CHSY3: variants seen among roughly 807,000 people sequenced by gnomAD.
The protein encoded by CHSY3 is chondroitin sulfate synthase 3.
In CHSY3, 35 loss-of-function variants were observed where a neutral mutation model predicts 67.2. That is an observed-to-expected ratio of 0.52 (90% CI 0.40 to 0.69). The LOEUF is 0.69. Among genes scored for constraint, CHSY3 ranks in the 30% least tolerant of loss-of-function variants. The pLI, the probability that CHSY3 is intolerant of heterozygous loss-of-function variation, is 0.00. For missense variants in CHSY3, 1,069 were observed against 1,138.5 expected (o/e 0.94, Z 0.88); for synonymous variants, 474 against 434.7 (o/e 1.09, Z -1.12).
intron 2 of CHSY3, among the ~76,000 whole-genome samples, chr5:130,069,046 G>A (rs1765975323): frequency 6.6e-6 from 1 of 151,946 alleles, no homozygotes; most frequent in East Asian, 1.9e-4. Flanking sequence ...TTTTCTAATA[G>A]GTTACCCAGG....
chr5:130,061,623 T>C (rs1765715667), intron 2 of CHSY3, among the ~76,000 whole-genome samples: 1 of 151,924 alleles, frequency 6.6e-6, no homozygotes, highest in Non-Finnish European at 1.5e-5. Flanking sequence ...AGAAAACCTG[T>C]AGAATAGGAG....
At chr5:130,032,734 T>C (rs1764738241) in intron 2 of CHSY3, among the ~76,000 whole-genome samples, 1 of 152,088 alleles carries the variant, frequency 6.6e-6, no homozygotes, top group African/African-American at 2.4e-5. Context: ...GAGAGAGGTG[T>C]ATGCTTTGGG....
At chr5:130,100,837 T>C (rs1317569019) in intron 2 of CHSY3, among the ~76,000 whole-genome samples, 1 of 152,230 alleles carries the variant, frequency 6.6e-6, no homozygotes, top group African/African-American at 2.4e-5. Flanking sequence ...AATTGCCATT[T>C]CAACCCTCTT....
intron 2 of CHSY3, among the ~76,000 whole-genome samples, chr5:130,010,787 G>A (rs1243085468): frequency 6.6e-6 from 1 of 151,918 alleles, no homozygotes; most frequent in Admixed American, 6.6e-5. Context: ...AGAAATGACA[G>A]GGGACATTAC....
rs181351126 is a variant in CHSY3, at chr5:130,082,451, C to T, written c.1087-101778C>T. Among the ~76,000 whole-genome samples the T allele has an allele frequency of 7.2e-5, 11 of 152,112 alleles. No homozygotes were observed. In the East Asian group the frequency reaches 1.6e-3, roughly 21 times the overall value. On this transcript the variant is annotated intron_variant, in intron 2 of 2. Transcript: ENST00000305031. Reference sequence around the variant, plus strand: ...ATCCAAATCACAGTGTAGTTTGTTTCAAATCATGTGTTTGATCCAATAAAA... The same window carrying T: ...ATCCAAATCACAGTGTAGTTTGTTTTAAATCATGTGTTTGATCCAATAAAA...
intron 2 of CHSY3, among the ~76,000 whole-genome samples, chr5:130,077,725 G>A (rs764687754): frequency 6.6e-6 from 1 of 151,834 alleles, no homozygotes; most frequent in Non-Finnish European, 1.5e-5. Flanking sequence ...ACTGACTAGC[G>A]ATCCTGTATC....
At chr5:129,956,627 A>G (rs1043954969) in intron 2 of CHSY3, among the ~76,000 whole-genome samples, 2 of 151,716 alleles carry the variant, frequency 1.3e-5, no homozygotes, top group African/African-American at 4.8e-5. Flanking sequence ...GAAATCTTGA[A>G]TTGATTTTTG....
intron 2 of CHSY3, among the ~76,000 whole-genome samples, chr5:129,931,822 A>T (rs906277996): frequency 1.3e-5 from 2 of 152,044 alleles, no homozygotes; most frequent in African/African-American, 4.8e-5. Context: ...CATGGATGAA[A>T]GTCCTCCCCA....
intron 2 of CHSY3, among the ~76,000 whole-genome samples, chr5:130,105,690 C>T (rs1399333153): frequency 6.6e-6 from 1 of 151,674 alleles, no homozygotes; most frequent in African/African-American, 2.4e-5. Flanking sequence ...TGTCAGAGTT[C>T]ACTGAAGTAG....
chr5:130,117,776 C>T (rs894032571), intron 2 of CHSY3, among the ~76,000 whole-genome samples: 2 of 152,168 alleles, frequency 1.3e-5, no homozygotes, highest in African/African-American at 4.8e-5. Flanking sequence ...AATATTGATG[C>T]TTCCAGATCA....
chr5:129,940,666 T>TGTGTGTGTGTGA (rs1761668782), intron 2 of CHSY3, among the ~76,000 whole-genome samples: 1 of 151,816 alleles, frequency 6.6e-6, no homozygotes, highest in Non-Finnish European at 1.5e-5. Flanking sequence ...TCTTTATGCA[T>TGTGTGTGTGTGA]GTGTGTGTGT....
At chr5:130,157,806 T>G (rs901035854) in intron 2 of CHSY3, among the ~76,000 whole-genome samples, 1 of 152,148 alleles carries the variant, frequency 6.6e-6, no homozygotes, top group Non-Finnish European at 1.5e-5. Flanking sequence ...TGGTTATTTC[T>G]TGACTATATG....
At chr5:130,122,151 C>T (rs1271196394) in intron 2 of CHSY3, among the ~76,000 whole-genome samples, 1 of 152,122 alleles carries the variant, frequency 6.6e-6, no homozygotes, top group Non-Finnish European at 1.5e-5. Flanking sequence ...GATATAATAG[C>T]TCAACAAATA....
intron 2 of CHSY3, among the ~76,000 whole-genome samples, chr5:129,983,589 G>T (rs1019827648): frequency 6.6e-6 from 1 of 152,000 alleles, no homozygotes; most frequent in Non-Finnish European, 1.5e-5. Flanking sequence ...GGCCATGAAT[G>T]ATTTAGTTTA....
chr5:130,143,780 A>ATGTGTG (rs1181042128), intron 2 of CHSY3, among the ~76,000 whole-genome samples: 2 of 60,406 alleles, frequency 3.3e-5, no homozygotes, highest in African/African-American at 1.9e-4. Flanking sequence ...ATATATATAT[A>ATGTGTG]TGTGTATATA....
chr5:130,002,851 G>A (rs1366966585), intron 2 of CHSY3, among the ~76,000 whole-genome samples: 2 of 152,038 alleles, frequency 1.3e-5, no homozygotes, highest in South Asian at 2.1e-4. Flanking sequence ...GCTGGAGGGG[G>A]TGGGTAGCTT....
chr5:130,146,236 G>T (rs1377448528), intron 2 of CHSY3, among the ~76,000 whole-genome samples: 1 of 152,082 alleles, frequency 6.6e-6, no homozygotes, highest in Non-Finnish European at 1.5e-5. Flanking sequence ...AGAAAATGTG[G>T]TGTATATATA....
intron 2 of CHSY3, among the ~76,000 whole-genome samples, chr5:130,174,103 A>G (rs986723520): frequency 9.2e-5 from 14 of 152,112 alleles, no homozygotes; most frequent in Non-Finnish European, 1.5e-4. Context: ...TACTGAACCC[A>G]TAGGTACATA....
chr5:130,107,671 A>G (rs1008851421), intron 2 of CHSY3, among the ~76,000 whole-genome samples: 1 of 151,658 alleles, frequency 6.6e-6, no homozygotes, highest in African/African-American at 2.4e-5. Context: ...CAACTTATTG[A>G]CAGGCCCTGG....
Sources: allele counts gnomAD v4.1 joint callset (sites outside exome capture counted in the v4.1 genomes callset), GRCh38; gene constraint gnomAD v4.1.1; transcripts MANE v1.5; gene names NCBI Gene and HGNC (gene_info 2026-07-23, HGNC 2026-07-21).